Variants in NRCAM observed in about 807,000 individuals in gnomAD.
The protein encoded by NRCAM is neuronal cell adhesion molecule, also known as NgCAM-related cell adhesion molecule.
Under a neutral mutation model 156.5 loss-of-function variants are expected in NRCAM, and 83 were observed. The observed-to-expected ratio is 0.53, with a 90% CI of 0.44 to 0.64. The LOEUF (loss-of-function observed/expected upper bound fraction) is 0.64. Ranked by LOEUF, NRCAM falls within the 30% of genes least tolerant of loss-of-function variation. NRCAM has a pLI of 0.00. For missense variants in NRCAM, 1,417 were observed against 1,597.3 expected (o/e 0.89, Z 1.92); for synonymous variants, 538 against 563.9 (o/e 0.95, Z 0.65).
At chr7:108,171,712 C>A (rs113598878) in intron 28 of NRCAM, among the ~76,000 whole-genome samples, 1 of 152,090 alleles carries the variant, frequency 6.6e-6, no homozygotes, top group African/African-American at 2.4e-5. Context: ...TCTTTCTATA[C>A]GTTGGTCTTA....
chr7:108,271,173 C>CTTCT (rs2097331768), intron 3 of NRCAM, among the ~76,000 whole-genome samples: 1 of 152,134 alleles, frequency 6.6e-6, no homozygotes, highest in Non-Finnish European at 1.5e-5. Flanking sequence ...AAAGATCAAA[C>CTTCT]AGCTACCAGC....
At chr7:108,153,748 C>T (rs1038208050) in intron 32 of NRCAM, among the ~76,000 whole-genome samples, 1 of 151,998 alleles carries the variant, frequency 6.6e-6, no homozygotes, top group Non-Finnish European at 1.5e-5. Flanking sequence ...TTGCTTGATA[C>T]AAGATTAGCA....
intron 2 of NRCAM, among the ~76,000 whole-genome samples, chr7:108,345,414 T>G (rs2099345793): frequency 6.6e-6 from 1 of 152,200 alleles, no homozygotes; most frequent in African/African-American, 2.4e-5. Context: ...GGCAGGCATA[T>G]CATTACAAAA....
In NRCAM at chr7:108,150,228, A is replaced by G; in HGVS notation, c.3678-81T>C. On this transcript the variant is annotated intron_variant, in intron 32 of 32. Transcript: ENST00000379028. ...TTTTTAAAGACCATGCATGCAAATT[A>G]TGAGAAAGCATTTGGAGTCCTGGGC... is the stretch of plus-strand genomic sequence containing the variant. The G allele has an allele frequency of 3.4e-6, 4 of 1,175,394 alleles. No homozygotes were observed. In the South Asian group the frequency reaches 5.9e-5, roughly 17 times the overall value. The allele number at this position is 1,175,394 out of a possible 1,614,324, so 72.8% of individuals were successfully genotyped here.
intron 11 of NRCAM, among the ~76,000 whole-genome samples, chr7:108,211,207 G>GTTCCTC (rs1012775698): frequency 6.6e-6 from 1 of 152,192 alleles, no homozygotes; most frequent in African/African-American, 2.4e-5. Context: ...AAATACAGGG[G>GTTCCTC]TAGAGGAAGC....
At chr7:108,243,249 T>C (rs2095658247) in intron 3 of NRCAM, 1 of 152,222 alleles carries the variant, frequency 6.6e-6, no homozygotes, top group African/African-American at 2.4e-5. Flanking sequence ...TCACCCACTC[T>C]TGCAACGTAT....
intron 2 of NRCAM, among the ~76,000 whole-genome samples, chr7:108,392,255 T>C (rs953627894): frequency 2.6e-5 from 4 of 152,232 alleles, no homozygotes; most frequent in Non-Finnish European, 5.9e-5. Context: ...CCATATTTCT[T>C]GGAGGCTTTG....
chr7:108,443,964 A>C (rs1303846087), intron 1 of NRCAM, among the ~76,000 whole-genome samples: 3 of 152,136 alleles, frequency 2.0e-5, no homozygotes, highest in African/African-American at 7.2e-5. Context: ...AGATATAGAT[A>C]TAGATGATGA....
At chr7:108,192,555 C>T (rs1000017132) in intron 17 of NRCAM, among the ~76,000 whole-genome samples, 9 of 152,096 alleles carry the variant, frequency 5.9e-5, no homozygotes, top group African/African-American at 2.2e-4. Context: ...GGGACCACTG[C>T]TCTAGAGGGA....
intron 13 of NRCAM, among the ~76,000 whole-genome samples, chr7:108,201,134 A>G (rs1166770784): frequency 6.6e-6 from 1 of 151,858 alleles, no homozygotes; most frequent in Non-Finnish European, 1.5e-5. Flanking sequence ...AAAAAATAAT[A>G]CAAGAATAAA....
At chr7:108,189,579 CTG>C in intron 20 of NRCAM, 64 bp downstream of exon 20, 1 of 742,864 alleles carries the variant, frequency 1.3e-6, no homozygotes, top group Admixed American at 2.1e-5. Flanking sequence ...ATTCAGCTGA[CTG>C]TTACAAAGTG....
chr7:108,149,807 A>C lies in NRCAM; in HGVS notation c.*103T>G, dbSNP rs116742499. On this transcript the variant is annotated 3_prime_UTR_variant, in exon 33 of 33. Coordinates refer to ENST00000379028, the MANE Select transcript of NRCAM (RefSeq NM_001037132.4). ...TCTCATAATACTAACATACAGCAGA[A>C]AATATACTCTCTACCCATATGTTCA... 298 of 904,656 alleles carry C rather than the reference A, an allele frequency of 3.3e-4. 1 individual carries two copies. The African/African-American group carries it at 4.6e-3, about 14-fold the overall frequency. 56.0% of individuals were successfully genotyped at this position (904,656 alleles called of 1,614,324 possible). A position where few individuals can be genotyped will look rare whatever the true frequency, so the allele number is the denominator to read the frequency against.
At chr7:108,254,868 T>TA (rs1320051733) in intron 3 of NRCAM, among the ~76,000 whole-genome samples, 2 of 152,122 alleles carry the variant, frequency 1.3e-5, no homozygotes, top group African/African-American at 2.4e-5. Context: ...TCTTAAAAGT[T>TA]AAACACTCAC....
chr7:108,225,733 T>C (rs1410625155), intron 9 of NRCAM, 32 bp from the exon 10 acceptor site: 4 of 1,400,410 alleles, frequency 2.9e-6, no homozygotes, highest in Non-Finnish European at 3.0e-6. Context: ...GAAGAGGGCA[T>C]AAAAGTGGGG....
At chr7:108,173,804 C>T (rs987474150) in intron 28 of NRCAM, among the ~76,000 whole-genome samples, 5 of 152,144 alleles carry the variant, frequency 3.3e-5, no homozygotes, top group Admixed American at 2.6e-4. Flanking sequence ...AAATTAGTAA[C>T]ATCAAATGGT....
chr7:108,170,602 A>G (rs2057892219), intron 28 of NRCAM, among the ~76,000 whole-genome samples: 1 of 152,142 alleles, frequency 6.6e-6, no homozygotes, highest in Non-Finnish European at 1.5e-5. Flanking sequence ...TTCATCTCAC[A>G]TGTGTTGATT....
chr7:108,164,597 C>A (rs2052585447), intron 30 of NRCAM, among the ~76,000 whole-genome samples: 1 of 146,918 alleles, frequency 6.8e-6, no homozygotes, highest in South Asian at 2.1e-4. Flanking sequence ...GGAGCAGGGG[C>A]AGTGGAAGAC....
chr7:108,258,213 C>T (rs574863510), intron 3 of NRCAM, among the ~76,000 whole-genome samples: 1 of 152,272 alleles, frequency 6.6e-6, no homozygotes, highest in South Asian at 2.1e-4. Context: ...CCAGGTTGTC[C>T]TTTGGCTGAA....
intron 3 of NRCAM, among the ~76,000 whole-genome samples, chr7:108,266,730 C>G (rs575317541): frequency 5.9e-5 from 9 of 152,302 alleles, no homozygotes; most frequent in African/African-American, 2.2e-4. Flanking sequence ...ATGCAGGCCA[C>G]AGATGAACAG....
Sources: allele counts gnomAD v4.1 joint callset (sites outside exome capture counted in the v4.1 genomes callset), GRCh38; gene constraint gnomAD v4.1.1; transcripts MANE v1.5; gene names NCBI Gene and HGNC (gene_info 2026-07-23, HGNC 2026-07-21).